Variants in DMD observed in about 807,000 individuals in gnomAD.
The protein encoded by DMD is dystrophin, also known as mutant dystrophin.
DMD carries 63 observed loss-of-function variants against 330.1 expected under a neutral mutation model. The ratio of observed to expected loss-of-function variants is 0.19; its 90% CI spans 0.16 to 0.24. The LOEUF (loss-of-function observed/expected upper bound fraction) is 0.24. Among genes scored for constraint, DMD ranks in the 10% least tolerant of loss-of-function variants. The probability of loss-of-function intolerance (pLI) is 1.00; values close to 1 mark genes in which losing one functional copy is unlikely to be tolerated. For synonymous variants in DMD, 1,223 were observed against 959.8 expected, an observed-to-expected ratio of 1.27 and a Z score of -5.07; for missense variants, 3,344 against 2,684.1, an observed-to-expected ratio of 1.25 and a Z score of -5.43.
chrX:31,119,755 G>C lies in DMD; in HGVS notation c.*2164C>G, dbSNP rs775716538. The C allele has an allele frequency of 1.8e-5, 2 of 111,150 alleles. No individual in the cohort carries two copies. Among genetic ancestry groups the C allele is most frequent in the Non-Finnish European group, 3.8e-5 (2 of 52,885 alleles). The allele number at this position is 111,150 out of a possible 1,213,427, so 9.2% of individuals were successfully genotyped here. On this transcript the variant is annotated 3_prime_UTR_variant, in exon 79 of 79. Coordinates refer to ENST00000357033, the MANE Select transcript of DMD (RefSeq NM_004006.3). ...TAAATCTGAGTTTTAAAAATCCTTG[G>C]GTAAAGAAAAGGTCCAGCGTCACAT...
chrX:31,927,429 T>G (rs1380887845), intron 47 of DMD, among the ~76,000 whole-genome samples: 1 of 112,271 alleles, frequency 8.9e-6, no homozygotes, highest in Non-Finnish European at 1.9e-5. Context: ...AATTATAATT[T>G]TTGTTCTTCT....
rs371212964 is a variant in DMD at position 31,447,343 on chromosome X, A to C, written c.8938-2716T>G. Among the ~76,000 whole-genome samples, 3 of 92,804 alleles carry C rather than the reference A, an allele frequency of 3.2e-5. No individual in the cohort carries two copies. The South Asian group carries it at 1.7e-3, about 51-fold the overall frequency. The allele number at this position is 92,804 out of a possible 115,157, so 80.6% of individuals were successfully genotyped here. On this transcript the variant is annotated intron_variant, in intron 59 of 78. Coordinates refer to ENST00000357033, the MANE Select transcript of DMD (RefSeq NM_004006.3). The stretch of plus-strand genomic sequence containing the variant: ...CTGAACTAATCTCCACTTAAGACTC[A>C]CCAAATTAGCCAAAGTCTTCATTCT...
At chrX:33,129,312 C>CAGTT (rs771197300) in intron 1 of DMD, among the ~76,000 whole-genome samples, 6 of 68,565 alleles carry the variant, frequency 8.8e-5, no homozygotes, top group African/African-American at 3.3e-4. Context: ...TCCAGAGTTA[C>CAGTT]AGTTAAGGTT....
chrX:32,043,601 T>C (rs766403805), intron 44 of DMD, among the ~76,000 whole-genome samples: 1 of 112,147 alleles, frequency 8.9e-6, no homozygotes, highest in African/African-American at 3.2e-5. Flanking sequence ...CTTACTGATA[T>C]CAGGCACTGT....
intron 1 of DMD, among the ~76,000 whole-genome samples, chrX:33,191,636 C>T (rs1603405446): frequency 9.0e-6 from 1 of 111,425 alleles, no homozygotes; most frequent in Admixed American, 9.5e-5. Flanking sequence ...GTTGGCCAGG[C>T]TGGTCTCGAA....
At chrX:32,670,499 T>C (rs1344300477) in intron 9 of DMD, among the ~76,000 whole-genome samples, 2 of 111,588 alleles carry the variant, frequency 1.8e-5, no homozygotes, top group African/African-American at 6.5e-5. Flanking sequence ...TCTTAATCTG[T>C]ATAGTGGGAA....
intron 44 of DMD, among the ~76,000 whole-genome samples, chrX:32,176,949 A>T (rs967052548): frequency 7.2e-5 from 8 of 111,274 alleles, no homozygotes; most frequent in Non-Finnish European, 1.1e-4. Flanking sequence ...ATACGTACTT[A>T]CTGATCACTT....
At chrX:33,066,217 C>T (rs1270083905) in intron 1 of DMD, among the ~76,000 whole-genome samples, 2 of 108,781 alleles carry the variant, frequency 1.8e-5, no homozygotes, top group Non-Finnish European at 3.8e-5. Context: ...TTTGGGAGGC[C>T]GAGGCGGGCA....
chrX:31,126,490 G>C, intron 78 of DMD, 152 bp downstream of exon 78: 1 of 509,279 alleles, frequency 2.0e-6, no homozygotes, highest in Admixed American at 2.8e-5. Context: ...CTCATGAGCT[G>C]CAAGTGGAGA....
rs1172521560 is a variant in DMD, at chrX:33,325,717, C to A, written c.7+13542G>T. Among the ~76,000 whole-genome samples the A allele has an allele frequency of 3.6e-5, 4 of 112,335 alleles. No homozygotes were observed. The Admixed American group carries it at 3.8e-4, about 11-fold the overall frequency. On this transcript the variant is annotated intron_variant, in intron 1 of 17. Transcript: ENST00000288447. The stretch of plus-strand genomic sequence containing the variant: ...ATATTTGCTTTTAATTTCAGGTATA[C>A]TTTACAATAACCATGCTGCACAGTA...
chrX:31,729,126 C>A (rs948336107), intron 52 of DMD, among the ~76,000 whole-genome samples: 2 of 111,959 alleles, frequency 1.8e-5, no homozygotes, highest in African/African-American at 6.5e-5. Flanking sequence ...TTCCTGCCCA[C>A]CCTACTACGG....
chrX:33,008,426 A>G (rs1388003977), intron 2 of DMD, among the ~76,000 whole-genome samples: 2 of 110,963 alleles, frequency 1.8e-5, no homozygotes, highest in East Asian at 5.7e-4. Flanking sequence ...TAAGGTTAAA[A>G]ATGCAACACC....
intron 1 of DMD, among the ~76,000 whole-genome samples, chrX:33,178,661 G>T (rs1028194100): frequency 8.9e-6 from 1 of 112,170 alleles, no homozygotes; most frequent in African/African-American, 3.2e-5. Context: ...CCAGACAAAG[G>T]CTCATAAATT....
At chrX:31,627,433 T>C (rs1456499088) in intron 55 of DMD, among the ~76,000 whole-genome samples, 1 of 112,446 alleles carries the variant, frequency 8.9e-6, no homozygotes, top group Non-Finnish European at 1.9e-5. Context: ...TCTGGTTTTA[T>C]ATGCAAATGT....
rs1225831523 is a variant in DMD at position 31,314,779 on chromosome X, A to AGAGAGAGAGAGAGAGAGAGAGAGT, written c.9224+8818_9224+8819insACTCTCTCTCTCTCTCTCTCTCTC. 6.2e-3 allele frequency among the ~76,000 whole-genome samples: 577 copies of AGAGAGAGAGAGAGAGAGAGAGAGT among 93,386 alleles called. 15 individuals are homozygous for AGAGAGAGAGAGAGAGAGAGAGAGT. The highest frequency in any genetic ancestry group is 0.022 in the African/African-American group (520 of 23,211). The allele number at this position is 93,386 out of a possible 115,157, so 81.1% of individuals were successfully genotyped here. ...GAGAGAGAGAGAGAGAGAGAGAGAG[A>AGAGAGAGAGAGAGAGAGAGAGAGT]GTGTTTTACCGTGTTAACATTTTTC... On this transcript the variant is annotated intron_variant, in intron 62 of 78. Transcript: ENST00000357033.
chrX:31,303,524 T>A (rs1296410298), intron 62 of DMD, among the ~76,000 whole-genome samples: 1 of 111,790 alleles, frequency 8.9e-6, no homozygotes, highest in African/African-American at 3.2e-5. Flanking sequence ...CTTCCTCCTA[T>A]GATATCTATC....
intron 2 of DMD, among the ~76,000 whole-genome samples, chrX:32,976,239 C>T (rs1178974233): frequency 1.8e-5 from 2 of 108,507 alleles, no homozygotes; most frequent in African/African-American, 6.7e-5. Flanking sequence ...AAAATACAAC[C>T]CTCACTTGCA....
rs142047339 is a variant in DMD at position 31,406,373 on chromosome X, C to A, written c.9084+38108G>T. Among the ~76,000 whole-genome samples, 710 of 110,362 alleles carry A rather than the reference C, an allele frequency of 6.4e-3. 5 individuals carry two copies. The highest frequency in any genetic ancestry group is 0.022 in the African/African-American group (680 of 30,317). On this transcript the variant is annotated intron_variant, in intron 60 of 78. Coordinates refer to ENST00000357033, the MANE Select transcript of DMD (RefSeq NM_004006.3). ...CCTATGTAACAAACCTTCACATGTA[C>A]CGTCAAACCTAAAATAAAAGCTAAA... is the stretch of plus-strand genomic sequence containing the variant.
At chrX:31,390,410 C>A (rs1318445777) in intron 60 of DMD, among the ~76,000 whole-genome samples, 1 of 110,405 alleles carries the variant, frequency 9.1e-6, no homozygotes, top group Non-Finnish European at 1.9e-5. Context: ...CGGGTCTCTC[C>A]TTTGAGCTAT....
Sources: allele counts gnomAD v4.1 joint callset (sites outside exome capture counted in the v4.1 genomes callset), GRCh38; gene constraint gnomAD v4.1.1; transcripts MANE v1.5; gene names NCBI Gene and HGNC (gene_info 2026-07-23, HGNC 2026-07-21).